SORCS2: variants seen among roughly 807,000 people sequenced by gnomAD.
SORCS2 encodes the protein sortilin related VPS10 domain containing receptor 2.
A neutral mutation model predicts 141.6 loss-of-function variants in SORCS2; 100 were observed. That is an observed-to-expected ratio of 0.71 (90% CI 0.60 to 0.83). SORCS2 has a LOEUF of 0.83. Among genes scored for constraint, SORCS2 ranks in the 40% least tolerant of loss-of-function variants. The probability of loss-of-function intolerance (pLI) is 0.00; values close to 1 mark genes in which losing one functional copy is unlikely to be tolerated. For missense variants in SORCS2, 1,646 were observed against 1,560.2 expected (o/e 1.05, Z -0.93); for synonymous variants, 789 against 676.9 (o/e 1.17, Z -2.57).
chr4:7,609,871 A>G (rs966457491), intron 3 of SORCS2, among the ~76,000 whole-genome samples: 10 of 152,158 alleles, frequency 6.6e-5, no homozygotes, highest in African/African-American at 1.9e-4. Context: ...GCCTAACCCC[A>G]AACTCCAATG....
At chr4:7,660,866 G>C (rs1233289865) in intron 5 of SORCS2, among the ~76,000 whole-genome samples, 1 of 152,156 alleles carries the variant, frequency 6.6e-6, no homozygotes, top group Admixed American at 6.5e-5. Context: ...CAAATCCCTG[G>C]AGGCAGCACC....
At chr4:7,483,711 C>T (rs1730799353) in intron 2 of SORCS2, among the ~76,000 whole-genome samples, 1 of 151,148 alleles carries the variant, frequency 6.6e-6, no homozygotes, top group Admixed American at 6.6e-5. Flanking sequence ...TCCGTACCCT[C>T]TTGGGAAACT....
chr4:7,273,765 T>C (rs1177763992), intron 1 of SORCS2, among the ~76,000 whole-genome samples: 2 of 152,188 alleles, frequency 1.3e-5, no homozygotes, highest in African/African-American at 4.8e-5. Flanking sequence ...GCTGGCTCTG[T>C]CATTAGAAAG....
At position 7,633,492 on chromosome 4, in the gene SORCS2, G is replaced by C. The variant is rs1023006641; in HGVS notation, c.649-4836G>C. On this transcript the variant is annotated intron_variant, in intron 3 of 26. Coordinates refer to ENST00000507866, the MANE Select transcript of SORCS2 (RefSeq NM_020777.3). Reference sequence around the variant, plus strand: ...GCCTTTGTACCTGCCCAACACCTGGGTGCCATTTTCCCTCTTCTGTGCTCC... The same window carrying C: ...GCCTTTGTACCTGCCCAACACCTGGCTGCCATTTTCCCTCTTCTGTGCTCC... 5.3e-5 allele frequency among the ~76,000 whole-genome samples: 8 copies of C among 152,292 alleles called. No homozygotes were observed. The East Asian group carries it at 1.4e-3, about 26-fold the overall frequency.
chr4:7,551,452 C>T, intron 3 of SORCS2, among the ~76,000 whole-genome samples: 1 of 152,172 alleles, frequency 6.6e-6, no homozygotes, highest in Non-Finnish European at 1.5e-5. Flanking sequence ...ATCCTTATGC[C>T]ACATCGGCTG....
chr4:7,455,057 T>C (rs1420649764), intron 2 of SORCS2, among the ~76,000 whole-genome samples: 1 of 78,494 alleles, frequency 1.3e-5, no homozygotes, highest in South Asian at 7.8e-4. Context: ...TGGGGTCAGA[T>C]GCTGTGTTGG....
intron 18 of SORCS2, among the ~76,000 whole-genome samples, chr4:7,719,707 C>T (rs1458151555): frequency 6.6e-6 from 1 of 152,218 alleles, no homozygotes; most frequent in East Asian, 1.9e-4. Context: ...CCCGCTGCGG[C>T]TGCCCGTCCG....
chr4:7,240,010 C>G (rs1232192433), intron 1 of SORCS2, among the ~76,000 whole-genome samples: 1 of 152,202 alleles, frequency 6.6e-6, no homozygotes, highest in African/African-American at 2.4e-5. Context: ...CAGGAAAGCT[C>G]TGCTCTCCAC....
chr4:7,511,957 G>A (rs59656381), intron 2 of SORCS2, among the ~76,000 whole-genome samples: 2,412 of 152,300 alleles, frequency 0.016, 24 homozygotes, highest in African/African-American at 0.021. Context: ...GGAGGGGCAC[G>A]CGCTGCTGTG....
chr4:7,216,818 C>T (rs1728380707), intron 1 of SORCS2, among the ~76,000 whole-genome samples: 1 of 152,104 alleles, frequency 6.6e-6, no homozygotes, highest in East Asian at 1.9e-4. Context: ...ATGGGGATGT[C>T]TTCTTGGGGG....
intron 1 of SORCS2, among the ~76,000 whole-genome samples, chr4:7,227,497 G>A (rs1037390677): frequency 6.6e-6 from 1 of 152,218 alleles, no homozygotes; most frequent in Non-Finnish European, 1.5e-5. Context: ...TTGTGATCCT[G>A]TGCTCTTCTG....
At chr4:7,699,332 C>T (rs1201816195) in intron 12 of SORCS2, among the ~76,000 whole-genome samples, 2 of 152,174 alleles carry the variant, frequency 1.3e-5, no homozygotes, top group South Asian at 2.1e-4. Flanking sequence ...TGAGAGCAGA[C>T]GTCATTCCCA....
At chr4:7,360,476 A>G (rs1475107820) in intron 1 of SORCS2, among the ~76,000 whole-genome samples, 2 of 145,630 alleles carry the variant, frequency 1.4e-5, no homozygotes, top group Non-Finnish European at 3.0e-5. Flanking sequence ...GCTCTCCCTG[A>G]GGCTGTGGCT....
chr4:7,528,899 G>A (rs1425213406), intron 2 of SORCS2, among the ~76,000 whole-genome samples: 1 of 152,098 alleles, frequency 6.6e-6, no homozygotes, highest in East Asian at 1.9e-4. Context: ...CCCAGCATCC[G>A]GTGGCTGCCC....
At chr4:7,691,333 G>A (rs560719384) in intron 11 of SORCS2, among the ~76,000 whole-genome samples, 2 of 152,342 alleles carry the variant, frequency 1.3e-5, no homozygotes, top group Admixed American at 1.3e-4. Context: ...TGAAAGAGCG[G>A]CCATGTTGTG....
chr4:7,477,861 G>A (rs1348011826), intron 2 of SORCS2, among the ~76,000 whole-genome samples: 11 of 152,208 alleles, frequency 7.2e-5, no homozygotes, highest in Admixed American at 7.2e-4. Flanking sequence ...TTCCCTTCCA[G>A]AGTCCCCGAG....
At chr4:7,325,974 G>A (rs540631577) in intron 1 of SORCS2, among the ~76,000 whole-genome samples, 31 of 152,188 alleles carry the variant, frequency 2.0e-4, no homozygotes, top group Non-Finnish European at 4.0e-4. Flanking sequence ...AGTGGAGGGC[G>A]TGGGAGTGAG....
intron 2 of SORCS2, among the ~76,000 whole-genome samples, chr4:7,458,702 C>T (rs1669948981): frequency 1.3e-5 from 2 of 152,128 alleles, no homozygotes; most frequent in South Asian, 4.1e-4. Context: ...CTCAGGTGAC[C>T]GAGACAAGGT....
At chr4:7,738,109 C>T (rs569823628) in intron 26 of SORCS2, among the ~76,000 whole-genome samples, 3 of 152,336 alleles carry the variant, frequency 2.0e-5, no homozygotes, top group East Asian at 1.9e-4. Context: ...GGAGGGGACA[C>T]GGACTGCATC....
Sources: allele counts gnomAD v4.1 joint callset (sites outside exome capture counted in the v4.1 genomes callset), GRCh38; gene constraint gnomAD v4.1.1; transcripts MANE v1.5; gene names NCBI Gene and HGNC (gene_info 2026-07-23, HGNC 2026-07-21).